The following PDZRN3 variants were observed in gnomAD, a reference collection of about 807,000 sequenced individuals.
PDZRN3 encodes E3 ubiquitin-protein ligase PDZRN3.
A neutral mutation model predicts 85.7 loss-of-function variants in PDZRN3; 38 were observed. The observed-to-expected ratio is 0.44, with a 90% confidence interval of 0.34 to 0.58. PDZRN3 has a LOEUF of 0.58. PDZRN3 is among the 20% of genes least tolerant of loss of function. The pLI, the probability that PDZRN3 is intolerant of heterozygous loss-of-function variation, is 0.01. For missense variants in PDZRN3, 1,629 were observed against 1,506.4 expected (o/e 1.08, Z -1.35); for synonymous variants, 759 against 638.0 (o/e 1.19, Z -2.86).
rs112205165 is a variant in PDZRN3 at position 73,621,171 on chromosome 3, G to C, written c.723+2932C>G. On this transcript the variant is annotated intron_variant, in intron 1 of 9. Coordinates refer to ENST00000263666, the MANE Select transcript of PDZRN3 (RefSeq NM_015009.3). Reference sequence around the variant, plus strand: ...AGTGACTCCAATCACGCTAAGGCTTGAGAATCCTTAATATAGCTCACATGG... The same window carrying C: ...AGTGACTCCAATCACGCTAAGGCTTCAGAATCCTTAATATAGCTCACATGG... Among the ~76,000 whole-genome samples, 629 of 152,326 alleles carry C rather than the reference G, an allele frequency of 4.1e-3. 3 individuals carry two copies. Among genetic ancestry groups the C allele is most frequent in the African/African-American group, 0.014 (579 of 41,582 alleles).
At chr3:73,545,091 TA>T (rs1442091055) in intron 3 of PDZRN3, among the ~76,000 whole-genome samples, 1 of 152,252 alleles carries the variant, frequency 6.6e-6, no homozygotes, top group East Asian at 1.9e-4. Context: ...TGGCATTTAG[TA>T]GCAATAACAA....
At chr3:73,585,458 G>C (rs1575751198) in intron 3 of PDZRN3, among the ~76,000 whole-genome samples, 1 of 152,224 alleles carries the variant, frequency 6.6e-6, no homozygotes, top group Admixed American at 6.5e-5. Context: ...ACATCATCTT[G>C]TTCATCAAAG....
At chr3:73,590,473 T>C (rs1702342235) in intron 3 of PDZRN3, among the ~76,000 whole-genome samples, 1 of 152,186 alleles carries the variant, frequency 6.6e-6, no homozygotes, top group Admixed American at 6.5e-5. Flanking sequence ...CTGGTTCACA[T>C]ACCAGAGGGA....
chr3:73,397,705 C>T (rs1483967552), intron 5 of PDZRN3, among the ~76,000 whole-genome samples: 2 of 152,200 alleles, frequency 1.3e-5, no homozygotes, highest in Admixed American at 6.5e-5. Flanking sequence ...AGGCCTGAGC[C>T]ATCACCACCA....
In PDZRN3 at chr3:73,389,891, T is replaced by C. The variant is rs374969367; in HGVS notation, c.1354-13A>G. The C allele has an allele frequency of 3.1e-6, 5 of 1,608,864 alleles. No homozygotes were observed. Among genetic ancestry groups the C allele is most frequent in the African/African-American group, 1.3e-5 (1 of 74,930 alleles). On this transcript the variant is annotated splice_polypyrimidine_tract_variant and intron_variant, in intron 6 of 9. Transcript: ENST00000263666. ...TGTTAGGGTCAATCTGAAACACACATGGACCATCTCAGCGCAAACGCAGAC... is the reference window on the plus strand; with the variant it reads ...TGTTAGGGTCAATCTGAAACACACACGGACCATCTCAGCGCAAACGCAGAC...
intron 1 of PDZRN3, among the ~76,000 whole-genome samples, chr3:73,618,284 AT>A (rs1283466934): frequency 1.3e-5 from 2 of 152,204 alleles, no homozygotes; most frequent in African/African-American, 4.8e-5. Context: ...TACACCTCCA[AT>A]CCAAACAGTA....
chr3:73,384,368 A>C lies in PDZRN3; in HGVS notation c.2198T>G (p.Ile733Ser), dbSNP rs1414080334. The C allele has an allele frequency of 6.8e-6, 11 of 1,609,556 alleles. No homozygotes were observed. The highest frequency in any genetic ancestry group is 3.3e-4 in the Middle Eastern group (2 of 6,060). Residue 733 changes from isoleucine to serine, a missense_variant, in exon 10 of 10, where the codon ATC becomes AGC. Coordinates refer to ENST00000263666, the MANE Select transcript of PDZRN3 (RefSeq NM_015009.3). ...TGAGAGCTCGTGTCTGCGCACGTCG[A>C]TGCTGGTGTTGTAGTTGCGGAAGCC... ...NSGFRNYNTS[I>S]DVRRHELSDI...
intron 1 of PDZRN3, among the ~76,000 whole-genome samples, chr3:73,622,649 C>T (rs1575768207): frequency 6.6e-6 from 1 of 152,194 alleles, no homozygotes; most frequent in Non-Finnish European, 1.5e-5. Context: ...AGTACCTCCC[C>T]TCCCAACTAA....
At chr3:73,416,660 A>T (rs544146197) in intron 3 of PDZRN3, among the ~76,000 whole-genome samples, 119 of 152,258 alleles carry the variant, frequency 7.8e-4, no homozygotes, top group African/African-American at 2.7e-3. Context: ...TTATTCTGTG[A>T]CTGGCTAGAA....
chr3:73,613,009 C>G (rs1702707765), intron 1 of PDZRN3, among the ~76,000 whole-genome samples: 2 of 152,216 alleles, frequency 1.3e-5, no homozygotes, highest in African/African-American at 4.8e-5. Context: ...TCTACAAAAT[C>G]TAGGCAATGG....
chr3:73,481,653 T>C (rs1703564190), intron 3 of PDZRN3, among the ~76,000 whole-genome samples: 1 of 152,214 alleles, frequency 6.6e-6, no homozygotes, highest in Non-Finnish European at 1.5e-5. Context: ...CTATCTCCTA[T>C]AAGACTGAAA....
chr3:73,585,334 A>G (rs1702262686), intron 3 of PDZRN3, among the ~76,000 whole-genome samples: 1 of 152,192 alleles, frequency 6.6e-6, no homozygotes, highest in African/African-American at 2.4e-5. Context: ...ATATTCCTCT[A>G]TTTTCAGCTT....
intron 3 of PDZRN3, among the ~76,000 whole-genome samples, chr3:73,552,662 A>G (rs1295023452): frequency 6.6e-6 from 1 of 152,240 alleles, no homozygotes; most frequent in East Asian, 1.9e-4. Context: ...ATCGCTATTT[A>G]TGTTAGTGAA....
chr3:73,478,149 G>T (rs1703495272), intron 3 of PDZRN3, among the ~76,000 whole-genome samples: 1 of 152,146 alleles, frequency 6.6e-6, no homozygotes, highest in Non-Finnish European at 1.5e-5. Flanking sequence ...AATCTGTATA[G>T]AACTGTGATC....
At chr3:73,569,391 G>A (rs1350077464) in intron 3 of PDZRN3, 19 of 1,194,856 alleles carry the variant, frequency 1.6e-5, no homozygotes, top group Middle Eastern at 3.7e-4. Flanking sequence ...CATGTGTGCC[G>A]CATACCTGTA....
intron 3 of PDZRN3, among the ~76,000 whole-genome samples, chr3:73,468,442 C>T (rs929596391): frequency 2.0e-5 from 3 of 151,364 alleles, no homozygotes; most frequent in Non-Finnish European, 4.4e-5. Context: ...CAGTCGCTTA[C>T]TCTTTTTTTT....
At chr3:73,388,545 C>T (rs1346341967) in intron 7 of PDZRN3, among the ~76,000 whole-genome samples, 3 of 152,104 alleles carry the variant, frequency 2.0e-5, no homozygotes, top group Non-Finnish European at 2.9e-5. Flanking sequence ...TTGGGCCAGG[C>T]GGAGGGTCAA....
intron 1 of PDZRN3, among the ~76,000 whole-genome samples, chr3:73,610,505 A>G (rs1702666599): frequency 6.6e-6 from 1 of 152,238 alleles, no homozygotes; most frequent in Non-Finnish European, 1.5e-5. Flanking sequence ...AGATATAAAC[A>G]TGATTTTCAA....
chr3:73,425,297 C>T (rs948936921), intron 3 of PDZRN3, among the ~76,000 whole-genome samples: 9 of 152,048 alleles, frequency 5.9e-5, no homozygotes, highest in Non-Finnish European at 1.2e-4. Context: ...GGATTACAGG[C>T]GTGAGCCACC....
Sources: allele counts gnomAD v4.1 joint callset (sites outside exome capture counted in the v4.1 genomes callset), GRCh38; gene constraint gnomAD v4.1.1; transcripts MANE v1.5; gene names NCBI Gene and HGNC (gene_info 2026-07-23, HGNC 2026-07-21).